The following ERC2 variants were observed in gnomAD, a reference collection of about 807,000 sequenced individuals.
ERC2 encodes ELKS/RAB6-interacting/CAST family member 2, also known as ERC protein 2.
Under a neutral mutation model 114.8 loss-of-function variants are expected in ERC2, and 42 were observed. The ratio of observed to expected loss-of-function variants is 0.37; its 90% confidence interval spans 0.29 to 0.47. ERC2 has a LOEUF of 0.47. Ranked by LOEUF, ERC2 falls within the 20% of genes least tolerant of loss-of-function variation. ERC2 has a pLI of 0.99. For synonymous variants in ERC2, 454 were observed against 425.5 expected (o/e 1.07, Z -0.82); for missense variants, 939 against 1,150.7 (o/e 0.82, Z 2.66).
intron 3 of ERC2, among the ~76,000 whole-genome samples, chr3:56,211,981 C>A (rs1210022339): frequency 6.6e-6 from 1 of 152,030 alleles, no homozygotes; most frequent in African/African-American, 2.4e-5. Context: ...AAATCTGAAA[C>A]CATAAACATT....
chr3:56,285,976 C>T (rs2054671638), intron 3 of ERC2, among the ~76,000 whole-genome samples: 1 of 152,168 alleles, frequency 6.6e-6, no homozygotes, highest in Non-Finnish European at 1.5e-5. Flanking sequence ...TTAAAGAAGT[C>T]TTTGTTCACA....
chr3:55,583,970 A>G (rs1456871767), intron 17 of ERC2, among the ~76,000 whole-genome samples: 2 of 152,116 alleles, frequency 1.3e-5, no homozygotes, highest in African/African-American at 4.8e-5. Flanking sequence ...TTCACTTATT[A>G]TGTGATTCTG....
chr3:56,399,140 C>T (rs1040090058), intron 2 of ERC2, among the ~76,000 whole-genome samples: 1 of 152,236 alleles, frequency 6.6e-6, no homozygotes, highest in South Asian at 2.1e-4. Context: ...CTATTCATGC[C>T]ATATGCTTAA....
intron 7 of ERC2, among the ~76,000 whole-genome samples, chr3:56,077,281 A>C (rs914673758): frequency 6.6e-6 from 1 of 152,204 alleles, no homozygotes; most frequent in African/African-American, 2.4e-5. Flanking sequence ...GCTTTGCTAC[A>C]TTGCCAGTGG....
intron 13 of ERC2, among the ~76,000 whole-genome samples, chr3:55,930,226 G>A (rs1365882359): frequency 6.6e-6 from 1 of 152,064 alleles, no homozygotes; most frequent in Non-Finnish European, 1.5e-5. Flanking sequence ...GTGACAGAGT[G>A]AGACTCCGTC....
Position 56,034,700 on chromosome 3 carries a change from T to C in ERC2, c.1642-15669A>G, listed in dbSNP as rs2074681854. 2.6e-5 allele frequency among the ~76,000 whole-genome samples: 4 copies of C among 152,176 alleles called. 1 individual carries two copies. The highest frequency in any genetic ancestry group is 1.3e-4 in the Admixed American group (2 of 15,276). On this transcript the variant is annotated intron_variant, in intron 7 of 17. Coordinates refer to ENST00000288221, the MANE Select transcript of ERC2 (RefSeq NM_015576.3). ...AGGAAAACTGGAAAATTCACAAATA[T>C]GTGGAAATTACTCCTGAACAACCAA... is the stretch of plus-strand genomic sequence containing the variant.
In ERC2 at chr3:55,949,631, A is replaced by G. The variant is rs540909280; in HGVS notation, c.2403+794T>C. On this transcript the variant is annotated intron_variant, in intron 13 of 17. Transcript: ENST00000288221. ...AATTAAAAAGATGAACTATGAGTAC[A>G]TATTGAAATTATCTAACTTCTCCTA... 1.2e-4 allele frequency among the ~76,000 whole-genome samples: 19 copies of G among 152,358 alleles called. No individual in the cohort carries two copies. The East Asian group carries it at 3.3e-3, about 26-fold the overall frequency.
intron 17 of ERC2, among the ~76,000 whole-genome samples, chr3:55,572,990 A>G (rs2056799226): frequency 6.6e-6 from 1 of 152,212 alleles, no homozygotes; most frequent in Non-Finnish European, 1.5e-5. Flanking sequence ...AGGCTGTGTG[A>G]CCTTGAACAA....
At chr3:56,289,292 AC>A (rs148959089) in intron 3 of ERC2, among the ~76,000 whole-genome samples, 1 of 152,074 alleles carries the variant, frequency 6.6e-6, no homozygotes, top group East Asian at 1.9e-4. Context: ...GGTGGAGATG[AC>A]CTTTCCCTTC....
At chr3:55,656,490 A>C (rs1476516677) in intron 17 of ERC2, among the ~76,000 whole-genome samples, 1 of 152,090 alleles carries the variant, frequency 6.6e-6, no homozygotes, top group East Asian at 1.9e-4. Context: ...CTATGCCATC[A>C]CCCAGGCCTG....
chr3:55,591,913 T>C (rs150742518), intron 17 of ERC2, among the ~76,000 whole-genome samples: 4 of 152,336 alleles, frequency 2.6e-5, no homozygotes, highest in African/African-American at 9.6e-5. Flanking sequence ...AATCCAGTTA[T>C]GTATGTTTAA....
chr3:55,687,026 G>A (rs1340177483), intron 16 of ERC2, among the ~76,000 whole-genome samples: 2 of 152,192 alleles, frequency 1.3e-5, no homozygotes, highest in Non-Finnish European at 2.9e-5. Context: ...CACATCTACA[G>A]TTCCAGGGAT....
intron 16 of ERC2, 126 bp downstream of exon 16, chr3:55,699,252 C>CTAT (rs568201007): frequency 8.5e-7 from 1 of 1,172,712 alleles, no homozygotes; most frequent in African/African-American, 1.5e-5. Context: ...AATACCAAAG[C>CTAT]TATTAGTTTC....
chr3:55,877,142 G>A (rs2062888581), intron 14 of ERC2, among the ~76,000 whole-genome samples: 1 of 152,192 alleles, frequency 6.6e-6, no homozygotes, highest in Non-Finnish European at 1.5e-5. Flanking sequence ...TTTTGGGCCA[G>A]AAAATTCTTT....
intron 13 of ERC2, among the ~76,000 whole-genome samples, chr3:55,918,040 T>C (rs2065205489): frequency 6.6e-6 from 1 of 152,102 alleles, no homozygotes; most frequent in Non-Finnish European, 1.5e-5. Context: ...GGTTTCACTA[T>C]CCTTTAGCCT....
chr3:55,886,995 C>A (rs1320549019), intron 14 of ERC2, among the ~76,000 whole-genome samples: 1 of 152,180 alleles, frequency 6.6e-6, no homozygotes, highest in East Asian at 1.9e-4. Flanking sequence ...TCCCATGTGC[C>A]CAGCACTGCT....
At chr3:55,709,876 G>A (rs544340606) in intron 15 of ERC2, among the ~76,000 whole-genome samples, 1 of 152,304 alleles carries the variant, frequency 6.6e-6, no homozygotes, top group East Asian at 1.9e-4. Context: ...GAGACAGGGA[G>A]AGGCAGCCAG....
At chr3:56,036,632 C>A (rs73089196) in intron 7 of ERC2, among the ~76,000 whole-genome samples, 10,470 of 152,202 alleles carry the variant, frequency 0.069, 482 homozygotes, top group Non-Finnish European at 0.11. Flanking sequence ...TGAGAAAAAG[C>A]AGGGTGGAGT....
At chr3:55,744,201 G>A (rs1345892603) in intron 14 of ERC2, among the ~76,000 whole-genome samples, 2 of 152,000 alleles carry the variant, frequency 1.3e-5, no homozygotes, top group African/African-American at 4.8e-5. Flanking sequence ...TCAGGAGTTC[G>A]AGACCAACCT....
Sources: gnomAD v4.1 joint callset for allele counts (sites outside exome capture counted in the v4.1 genomes callset) on GRCh38, gnomAD v4.1.1 for gene constraint, MANE v1.5 for transcripts, NCBI Gene and HGNC (gene_info 2026-07-23, HGNC 2026-07-21) for gene names.